Variants in DGKB observed in about 807,000 individuals in gnomAD.
The protein encoded by DGKB is 90 kDa diacylglycerol kinase.
A neutral mutation model predicts 114.3 loss-of-function variants in DGKB; 67 were observed. The observed-to-expected ratio is 0.59, with a 90% CI of 0.48 to 0.72. DGKB has a LOEUF of 0.72. Ranked by LOEUF, DGKB falls within the 30% of genes least tolerant of loss-of-function variation. DGKB has a pLI of 0.00. For missense variants in DGKB, 907 were observed against 975.2 expected (o/e 0.93, Z 0.93); for synonymous variants, 398 against 323.1 (o/e 1.23, Z -2.49).
chr7:14,911,836 T>C (rs1035056342), intron 1 of DGKB, among the ~76,000 whole-genome samples: 2 of 152,218 alleles, frequency 1.3e-5, no homozygotes, highest in African/African-American at 4.8e-5. Context: ...GTAAAATTAA[T>C]GGACCATTCT....
chr7:14,630,151 G>T, intron 14 of DGKB, 85 bp downstream of exon 14: 1 of 820,626 alleles, frequency 1.2e-6, no homozygotes, highest in South Asian at 2.2e-5. Context: ...ATGTCACTGA[G>T]CCAGCACAAA....
At chr7:14,718,077 G>T (rs1828514913) in intron 6 of DGKB, among the ~76,000 whole-genome samples, 2 of 152,116 alleles carry the variant, frequency 1.3e-5, no homozygotes, top group Admixed American at 6.6e-5. Flanking sequence ...TAGCATTTGA[G>T]GAATAATGTG....
At chr7:14,327,556 C>T (rs1270975687) in intron 23 of DGKB, among the ~76,000 whole-genome samples, 1 of 152,110 alleles carries the variant, frequency 6.6e-6, no homozygotes, top group Non-Finnish European at 1.5e-5. Flanking sequence ...CAGATTACTT[C>T]ATTGCATATC....
intron 23 of DGKB, among the ~76,000 whole-genome samples, chr7:14,314,264 G>T (rs965640031): frequency 7.2e-5 from 11 of 152,126 alleles, no homozygotes; most frequent in African/African-American, 2.4e-4. Context: ...CACCAGCAAC[G>T]GAACAAAGCT....
chr7:14,883,663 G>C (rs2128217075), intron 1 of DGKB, among the ~76,000 whole-genome samples: 1 of 151,984 alleles, frequency 6.6e-6, no homozygotes, highest in South Asian at 2.1e-4. Context: ...ACAAATTTGA[G>C]AGTCCCTTTT....
intron 17 of DGKB, among the ~76,000 whole-genome samples, chr7:14,586,606 AG>A (rs1191801581): frequency 6.6e-6 from 1 of 152,142 alleles, no homozygotes; most frequent in Non-Finnish European, 1.5e-5. Flanking sequence ...GCTACAAAGG[AG>A]AAGTCAATGC....
intron 2 of DGKB, among the ~76,000 whole-genome samples, chr7:14,816,762 C>T (rs923026085): frequency 3.3e-5 from 5 of 152,162 alleles, no homozygotes; most frequent in African/African-American, 1.2e-4. Flanking sequence ...ATGATATCTA[C>T]ATTCTGTCAA....
At chr7:14,437,328 A>G (rs1057191901) in intron 21 of DGKB, among the ~76,000 whole-genome samples, 6 of 152,094 alleles carry the variant, frequency 3.9e-5, no homozygotes, top group African/African-American at 1.2e-4. Context: ...GTAATGCAGA[A>G]TTAACATTAA....
At chr7:14,282,833 C>G (rs1211211705) in intron 23 of DGKB, among the ~76,000 whole-genome samples, 3 of 152,104 alleles carry the variant, frequency 2.0e-5, no homozygotes, top group Admixed American at 1.3e-4. Flanking sequence ...TAAAAACGCT[C>G]AATAAATTAG....
At chr7:14,259,415 A>G (rs200541995) in intron 23 of DGKB, among the ~76,000 whole-genome samples, 1 of 144,254 alleles carries the variant, frequency 6.9e-6, no homozygotes, top group Non-Finnish European at 1.5e-5. Context: ...CTCTATATAT[A>G]TATATATATA....
intron 8 of DGKB, among the ~76,000 whole-genome samples, chr7:14,695,190 T>A (rs73680191): frequency 0.052 from 7,880 of 152,226 alleles, 656 homozygotes; most frequent in African/African-American, 0.18. Context: ...ATTTGAAAAT[T>A]AGATTATTTT....
At chr7:14,676,042 T>C (rs576990752) in intron 12 of DGKB, among the ~76,000 whole-genome samples, 31 of 152,100 alleles carry the variant, frequency 2.0e-4, no homozygotes, top group Non-Finnish European at 3.8e-4. Flanking sequence ...AAAATGTGTA[T>C]CATTTTCAGG....
chr7:14,698,602 C>T (rs907766335), intron 7 of DGKB, among the ~76,000 whole-genome samples: 1 of 152,062 alleles, frequency 6.6e-6, no homozygotes, highest in African/African-American at 2.4e-5. Context: ...TGAGAATATA[C>T]ATTGACTGTT....
At chr7:14,816,975 T>C (rs1031414127) in intron 2 of DGKB, among the ~76,000 whole-genome samples, 3 of 152,206 alleles carry the variant, frequency 2.0e-5, no homozygotes, top group Non-Finnish European at 2.9e-5. Context: ...GATGTTTCTT[T>C]TCATAATATG....
At chr7:14,845,221 C>A (rs1848488011) in intron 1 of DGKB, among the ~76,000 whole-genome samples, 1 of 151,742 alleles carries the variant, frequency 6.6e-6, no homozygotes, top group Admixed American at 6.6e-5. Flanking sequence ...GAACTGCCAT[C>A]CTTAGATCTG....
chr7:14,733,149 C>A (rs1402833888), intron 5 of DGKB, among the ~76,000 whole-genome samples: 2 of 152,194 alleles, frequency 1.3e-5, no homozygotes, highest in African/African-American at 4.8e-5. Context: ...TGTAATACTA[C>A]ACATTAAGAA....
intron 20 of DGKB, among the ~76,000 whole-genome samples, chr7:14,497,028 C>A (rs563554911): frequency 4.5e-4 from 69 of 151,834 alleles, no homozygotes; most frequent in Non-Finnish European, 7.7e-4. Context: ...GAAATAATGT[C>A]TTTTGCAGCA....
intron 13 of DGKB, among the ~76,000 whole-genome samples, chr7:14,654,384 T>G (rs953935647): frequency 7.2e-5 from 11 of 151,966 alleles, no homozygotes; most frequent in African/African-American, 2.7e-4. Flanking sequence ...TGAAAAAAAT[T>G]GAAGAGGGCA....
chr7:14,594,113 T>C (rs1802146365), intron 17 of DGKB, among the ~76,000 whole-genome samples: 1 of 152,080 alleles, frequency 6.6e-6, no homozygotes, highest in Admixed American at 6.6e-5. Flanking sequence ...AAACTAACTT[T>C]GTTGTAATTT....
Sources: gnomAD v4.1 joint callset for allele counts (sites outside exome capture counted in the v4.1 genomes callset) on GRCh38, gnomAD v4.1.1 for gene constraint, MANE v1.5 for transcripts, NCBI Gene and HGNC (gene_info 2026-07-23, HGNC 2026-07-21) for gene names.